The following ISM2 variants were observed in gnomAD, a reference collection of about 807,000 sequenced individuals.
The protein encoded by ISM2 is isthmin-2.
A neutral mutation model predicts 58.0 loss-of-function variants in ISM2; 50 were observed. That is an observed-to-expected ratio of 0.86 (90% CI 0.69 to 1.09). The LOEUF is 1.09. Among genes scored for constraint, ISM2 ranks in the 50% least tolerant of loss-of-function variants. The pLI is 0.00. For missense variants in ISM2, 723 were observed against 745.0 expected (o/e 0.97, Z 0.34); for synonymous variants, 303 against 312.4 (o/e 0.97, Z 0.32).
At position 77,484,399 on chromosome 14, in the gene ISM2, G is replaced by A. The variant is rs772248918; in HGVS notation, c.551C>T (p.Thr184Ile). 5.6e-6 allele frequency: 9 copies of A among 1,612,904 alleles called. No homozygotes were observed. Among genetic ancestry groups the A allele is most frequent in the Middle Eastern group, 1.6e-4 (1 of 6,078 alleles). Residue 184 changes from threonine to isoleucine, a missense_variant, in exon 3 of 7, where the codon ACT (threonine) becomes ATT (isoleucine). Coordinates refer to ENST00000342219, the MANE Select transcript of ISM2 (RefSeq NM_199296.3). ...CTTCTGCAGCTCCAGCAGCAAGGGA[G>A]TAACCTCCTGGGTCCTGGGAGGCGT... ...NATPPRTQEV[T>I]PLLLELQKLP...
At chr14:77,491,689 GTC>G (rs2079205710) in intron 1 of ISM2, among the ~76,000 whole-genome samples, 5 of 137,326 alleles carry the variant, frequency 3.6e-5, no homozygotes, top group African/African-American at 1.1e-4. Context: ...ACCGCGTCTG[GTC>G]TTTTTTTTTT....
intron 1 of ISM2, among the ~76,000 whole-genome samples, chr14:77,488,208 G>A (rs114016652): frequency 0.012 from 1,865 of 152,276 alleles, 34 homozygotes; most frequent in African/African-American, 0.042. Context: ...ATAGGAGCCC[G>A]ATAAATCACT....
rs1286803479 is a variant in ISM2 at position 77,479,898 on chromosome 14, G to A, written c.974-1183C>T. On this transcript the variant is annotated intron_variant, in intron 4 of 6. Transcript: ENST00000342219. ...TGGTCTTGAACTCCTGGGCTCAAGC[G>A]ATCCTCCAGCCTCAGCCTCCCAAAA... 5.9e-5 allele frequency among the ~76,000 whole-genome samples: 9 copies of A among 151,950 alleles called. No individual in the cohort carries two copies. The South Asian group carries it at 1.0e-3, about 18-fold the overall frequency.
intron 1 of ISM2, among the ~76,000 whole-genome samples, chr14:77,490,040 T>C (rs2079192680): frequency 6.6e-6 from 1 of 152,212 alleles, no homozygotes; most frequent in Admixed American, 6.5e-5. Context: ...ATTTTTTGTA[T>C]TTTTAATAGA....
rs373342689 is a variant in ISM2 at position 77,478,712 on chromosome 14, T to C, written c.977A>G (p.Tyr326Cys). The C allele has an allele frequency of 1.9e-6, 3 of 1,611,604 alleles. No individual in the cohort carries two copies. Among genetic ancestry groups the C allele is most frequent in the Admixed American group, 1.7e-5 (1 of 59,968 alleles). ...GGGACTCCACTCCTTCTGAGGCTCA[T>C]AGTCTGGGTTAAGACAGGGAGTTGG... ...WVFKDSVSYD[Y>C]EPQKEWSPWS... Residue 326 changes from tyrosine (Y) to cysteine (C), a missense_variant, in exon 5 of 7, where the codon TAT becomes TGT. By Grantham distance (194) the Tyr-to-Cys change is radical. Transcript: ENST00000342219.
Position 77,482,360 on chromosome 14 carries a change from G to T in ISM2, c.935C>A (p.Ala312Asp), listed in dbSNP as rs1166227114. 3 of 1,613,818 alleles carry T rather than the reference G, an allele frequency of 1.9e-6. No homozygotes were observed. The highest frequency in any genetic ancestry group is 3.3e-5 in the Admixed American group (2 of 59,984). ...TTDNWDQGWL[A>D]PGDWVFKDSV... ...ATCCTTGAAGACCCAATCCCCGGGG[G>T]CCAGCCAGCCCTGGTCCCAGTTGTC... Residue 312 changes from alanine (A) to aspartate (D), a missense_variant, in exon 4 of 7, where the codon GCC (alanine) becomes GAC (aspartate). Coordinates refer to ENST00000342219, the MANE Select transcript of ISM2 (RefSeq NM_199296.3).
intron 3 of ISM2, among the ~76,000 whole-genome samples, chr14:77,483,302 G>T (rs1352731760): frequency 6.6e-6 from 1 of 152,180 alleles, no homozygotes; most frequent in Admixed American, 6.5e-5. Context: ...GCTCACGCCT[G>T]TAATCCCAGC....
rs2079259480 is a variant in ISM2 at position 77,498,183 on chromosome 14, A to G, written c.141+470T>C. Reference sequence around the variant, plus strand: ...TGGCCACCCCTGCCGGCGGCTGGAGAGCCCCACTGTGCCTCCGCTTGTCTC... The same window carrying G: ...TGGCCACCCCTGCCGGCGGCTGGAGGGCCCCACTGTGCCTCCGCTTGTCTC... On this transcript the variant is annotated intron_variant, in intron 1 of 6. Coordinates refer to ENST00000342219, the MANE Select transcript of ISM2 (RefSeq NM_199296.3). 7 of 1,166,802 alleles carry G rather than the reference A, an allele frequency of 6.0e-6. 1 individual carries two copies. In the South Asian group the frequency reaches 9.8e-5, roughly 16 times the overall value. 72.3% of individuals were successfully genotyped at this position (1,166,802 alleles called of 1,614,324 possible). A position where few individuals can be genotyped will look rare whatever the true frequency, so the allele number is the denominator to read the frequency against.
intron 4 of ISM2, among the ~76,000 whole-genome samples, chr14:77,479,281 G>A (rs535781914): frequency 6.6e-5 from 10 of 152,114 alleles, no homozygotes; most frequent in Non-Finnish European, 8.8e-5. Context: ...GTGCAGTGGC[G>A]TGATTTCGGC....
At chr14:77,484,976 C>T (rs1035210057) in intron 1 of ISM2, 57 bp from the exon 2 acceptor site, 53 of 1,512,302 alleles carry the variant, frequency 3.5e-5, no homozygotes, top group Middle Eastern at 1.8e-4. Context: ...CACGGGGATC[C>T]GGAAAAGGCT....
chr14:77,495,939 G>T (rs954849819), intron 1 of ISM2, among the ~76,000 whole-genome samples: 1 of 152,124 alleles, frequency 6.6e-6, no homozygotes, highest in Non-Finnish European at 1.5e-5. Flanking sequence ...GAGGTCGGGC[G>T]TGGTGGCTGA....
chr14:77,477,055 C>G (rs2079102902), intron 6 of ISM2, among the ~76,000 whole-genome samples: 1 of 152,144 alleles, frequency 6.6e-6, no homozygotes. Context: ...CACCCGGTCC[C>G]CATGGCACAG....
In ISM2 at chr14:77,484,532, C is replaced by A. The variant is rs1403849380; in HGVS notation, c.418G>T (p.Glu140Ter). 6.3e-7 allele frequency: 1 copy of A among 1,593,580 alleles called. No homozygotes were observed. Among genetic ancestry groups the A allele is most frequent in the Non-Finnish European group, 8.5e-7 (1 of 1,170,100 alleles). The change falls in exon 3 of 7, where the codon GAA (glutamate) becomes TAA (stop). Residue 140 changes from glutamate (E) to a stop codon, truncating the protein, a stop_gained. Coordinates refer to ENST00000342219, the MANE Select transcript of ISM2 (RefSeq NM_199296.3). LOFTEE classifies it high-confidence loss of function. ...GGGAGCAGTCGTGCCTCCTCCTCTT[C>A]CCTCAGAGGCCTAGGATCTGGGGAG... ...SASPDPRPLR[E>*]EEEARLLPRT...
chr14:77,486,746 C>T (rs1594951466), intron 1 of ISM2, among the ~76,000 whole-genome samples: 1 of 152,012 alleles, frequency 6.6e-6, no homozygotes, highest in African/African-American at 2.4e-5. Context: ...CCTGCCTGGG[C>T]AGGTGGTACA....
intron 1 of ISM2, among the ~76,000 whole-genome samples, chr14:77,495,624 G>A (rs1482970485): frequency 1.3e-5 from 2 of 152,194 alleles, no homozygotes; most frequent in Non-Finnish European, 2.9e-5. Flanking sequence ...CCCACAGGAA[G>A]CATGTGGAGT....
Position 77,474,609 on chromosome 14 carries a change from A to C in ISM2, c.*986T>G, listed in dbSNP as rs1414681636. 1 of 152,272 alleles carries C rather than the reference A, an allele frequency of 6.6e-6. No individual in the cohort carries two copies. Among genetic ancestry groups the C allele is most frequent in the Non-Finnish European group, 1.5e-5 (1 of 68,068 alleles). 9.4% of individuals were successfully genotyped at this position (152,272 alleles called of 1,614,324 possible). ...GTGTGCCGGGAGAGCGATTATGTGC[A>C]TCTCTTCCCAACTCTGAGTTCAGTG... On this transcript the variant is annotated 3_prime_UTR_variant, in exon 7 of 7. Coordinates refer to ENST00000342219, the MANE Select transcript of ISM2 (RefSeq NM_199296.3).
chr14:77,476,156 C>G, intron 6 of ISM2, 44 bp from the exon 7 acceptor site: 2 of 1,498,518 alleles, frequency 1.3e-6, no homozygotes, highest in Middle Eastern at 1.8e-4. Flanking sequence ...AGTGACAGAG[C>G]CAGGCCCGTG....
At chr14:77,487,206 T>C (rs184308620) in intron 1 of ISM2, among the ~76,000 whole-genome samples, 408 of 151,498 alleles carry the variant, frequency 2.7e-3, no homozygotes, top group Non-Finnish European at 4.7e-3. Context: ...GATCGCATCA[T>C]TGCACTCCAG....
chr14:77,477,475 G>A (rs2079105519), intron 6 of ISM2, among the ~76,000 whole-genome samples: 1 of 152,138 alleles, frequency 6.6e-6, no homozygotes. Context: ...ACACAGGAGA[G>A]GGGAAGAGAC....
Sources: gnomAD v4.1 joint callset for allele counts (sites outside exome capture counted in the v4.1 genomes callset) on GRCh38, gnomAD v4.1.1 for gene constraint, MANE v1.5 for transcripts, NCBI Gene and HGNC (gene_info 2026-07-23, HGNC 2026-07-21) for gene names.